The following MMP9 variants were observed in gnomAD, a reference collection of about 807,000 sequenced individuals.
MMP9 encodes matrix metallopeptidase 9, also known as matrix metalloproteinase-9.
MMP9 carries 73 observed loss-of-function variants against 76.4 expected under a neutral mutation model. That is an observed-to-expected ratio of 0.96 (90% CI 0.79 to 1.16). MMP9 has a LOEUF of 1.16. Ranked by LOEUF, MMP9 falls within the 50% of genes most tolerant of loss-of-function variation. The pLI, the probability that MMP9 is intolerant of heterozygous loss-of-function variation, is 0.00. For missense variants in MMP9, 943 were observed against 973.0 expected (o/e 0.97, Z 0.41); for synonymous variants, 412 against 408.4 (o/e 1.01, Z -0.11).
rs202160047 is a variant in MMP9, at chr20:46,009,757, GA to G, written c.139-104del. The G allele has an allele frequency of 4.4e-3, 4,320 of 990,766 alleles. 31 individuals are homozygous for G. Among genetic ancestry groups the G allele is most frequent in the Middle Eastern group, 0.018 (89 of 4,842 alleles). The allele number at this position is 990,766 out of a possible 1,614,324, so 61.4% of individuals were successfully genotyped here. A position where few individuals can be genotyped will look rare whatever the true frequency, so the allele number is the denominator to read the frequency against. The stretch of plus-strand genomic sequence containing the variant: ...GGGCTGATACCGTCTCTCCGAAAAA[GA>G]AAAAGAAAAAAGACTCCCTCCATGA... On this transcript the variant is annotated intron_variant, in intron 1 of 12. Transcript: ENST00000372330.
At position 46,016,269 on chromosome 20, in the gene MMP9, G is replaced by C; in HGVS notation, c.2025G>C (p.Gln675His). ...FQYREKAYFC[Q>H]DRFYWRVSSR... is the part of the protein sequence containing the mutation. ...CTGCAGAGAAAGCCTATTTCTGCCA[G>C]GACCGCTTCTACTGGCGCGTGAGTT... is the stretch of plus-strand genomic sequence containing the variant. Residue 675 changes from glutamine to histidine, a missense_variant, in exon 13 of 13, where the codon CAG becomes CAC. Physicochemically the swap from Gln to His is conservative, Grantham distance 24 (BLOSUM62 0). Coordinates refer to ENST00000372330, the MANE Select transcript of MMP9 (RefSeq NM_004994.3). 6.2e-7 allele frequency: 1 copy of C among 1,614,238 alleles called. No homozygotes were observed. The highest frequency in any genetic ancestry group is 8.5e-7 in the Non-Finnish European group (1 of 1,180,038).
At chr20:46,010,341 A>AAAAAAAAAAAAAAAAG in intron 2 of MMP9, 142 bp from the exon 3 acceptor site, 1 of 916,636 alleles carries the variant, frequency 1.1e-6, no homozygotes. Context: ...AAAAAAAAAA[A>AAAAAAAAAAAAAAAAG]CAGTCTGGAA....
Position 46,013,276 on chromosome 20 carries a change from C to T in MMP9, c.1352C>T (p.Pro451Leu). The T allele has an allele frequency of 6.2e-7, 1 of 1,614,076 alleles. No homozygotes were observed. The highest frequency in any genetic ancestry group is 8.5e-7 in the Non-Finnish European group (1 of 1,180,004). ...TTAGGTCCTCGCCCTGAACCTGAGC[C>T]ACGGCCTCCAACCACCACCACACCG... ...HLYGPRPEPE[P>L]RPPTTTTPQP... Residue 451 changes from proline to leucine, a missense_variant, in exon 9 of 13, where the codon CCA becomes CTA. Pro to Leu is a moderately conservative substitution (Grantham distance 98). Transcript: ENST00000372330. This position sits in a 1 kb window ranked among gnomAD's most constrained non-coding sequence, Gnocchi z 4.5.
intron 1 of MMP9, 143 bp downstream of exon 1, chr20:46,009,207 GT>G: frequency 1.0e-6 from 1 of 964,326 alleles, no homozygotes; most frequent in Non-Finnish European, 1.6e-6. Flanking sequence ...GGTGTCCAGG[GT>G]TAGGCAGTGG....
At chr20:46,010,418 G>A in intron 2 of MMP9, 65 bp from the exon 3 acceptor site, 1 of 1,582,074 alleles carries the variant, frequency 6.3e-7, no homozygotes, top group Non-Finnish European at 8.7e-7. Context: ...GCGATATGGG[G>A]TGTCCCTGCT....
Position 46,013,705 on chromosome 20 carries a change from C to G in MMP9, c.1659C>G (p.Pro553=). Residue 553 remains proline (P), a synonymous_variant, in exon 10 of 13, where the codon CCC becomes CCG. Coordinates refer to ENST00000372330, the MANE Select transcript of MMP9 (RefSeq NM_004994.3). This position sits in a 1 kb window ranked among gnomAD's most constrained non-coding sequence, Gnocchi z 4.5. ...GCAGGGGGAGCCGGCCGCAGGGCCC[C>G]TTCCTTATCGCCGACAAGTGGCCCG... ...SEGRGSRPQG[P]FLIADKWPAL... The G allele has an allele frequency of 6.2e-7, 1 of 1,613,862 alleles. No homozygotes were observed. Among genetic ancestry groups the G allele is most frequent in the Non-Finnish European group, 8.5e-7 (1 of 1,179,956 alleles).
intron 10 of MMP9, 108 bp from the exon 11 acceptor site, chr20:46,014,016 T>C: frequency 6.7e-7 from 1 of 1,499,796 alleles, no homozygotes; most frequent in Non-Finnish European, 8.9e-7. Flanking sequence ...TTGCAGGGAC[T>C]GCGGGCACGC....
chr20:46,010,332 A>ACAAAC lies in MMP9; in HGVS notation c.372-151_372-150insCAAAC, dbSNP rs1555856977. 250 of 773,052 alleles carry ACAAAC rather than the reference A, an allele frequency of 3.2e-4. 11 individuals are homozygous for ACAAAC. The highest frequency in any genetic ancestry group is 1.9e-3 in the South Asian group (105 of 56,172). The allele number at this position is 773,052 out of a possible 1,614,324, so 47.9% of individuals were successfully genotyped here. A position where few individuals can be genotyped will look rare whatever the true frequency, so the allele number is the denominator to read the frequency against. ...AGGGTCTAAGTAGACAAAAAAAAAA[A>ACAAAC]AAAAAAAAACAGTCTGGAAGCAATT... On this transcript the variant is annotated intron_variant, in intron 2 of 12. Coordinates refer to ENST00000372330, the MANE Select transcript of MMP9 (RefSeq NM_004994.3).
chr20:46,010,568 C>T lies in MMP9; in HGVS notation c.457C>T (p.Pro153Ser), dbSNP rs764539138. 1.2e-6 allele frequency: 2 copies of T among 1,614,070 alleles called. No individual in the cohort carries two copies. Among genetic ancestry groups the T allele is most frequent in the African/African-American group, 2.7e-5 (2 of 74,936 alleles). ...CTTCGCACTGTGGAGCGCGGTGACG[C>T]CGCTCACCTTCACTCGCGTGTACAG... Reference protein sequence around the residue: ...RAFALWSAVTPLTFTRVYSRD... With the variant: ...RAFALWSAVTSLTFTRVYSRD... Residue 153 changes from proline to serine, a missense_variant, in exon 3 of 13, where the codon CCG (proline) becomes TCG (serine). Pro to Ser is a moderately conservative substitution (Grantham distance 74, BLOSUM62 -1). Transcript: ENST00000372330.
Position 46,011,002 on chromosome 20 carries a change from G to C in MMP9, c.601G>C (p.Asp201His). The stretch of plus-strand genomic sequence containing the variant: ...TCCTCCTGGCCCCGGCATTCAGGGA[G>C]ACGCCCATTTCGACGATGACGAGTT... ...AFPPGPGIQGDAHFDDDELWS... is the reference protein window; with the variant it reads ...AFPPGPGIQGHAHFDDDELWS... The change falls in exon 4 of 13, where the codon GAC (aspartate) becomes CAC (histidine). Residue 201 changes from aspartate to histidine, a missense_variant. Physicochemically the swap from Asp to His is moderately conservative, Grantham distance 81. Transcript: ENST00000372330. 3 of 1,614,040 alleles carry C rather than the reference G, an allele frequency of 1.9e-6. No individual in the cohort carries two copies. The highest frequency in any genetic ancestry group is 2.5e-6 in the Non-Finnish European group (3 of 1,180,014).
In MMP9 at chr20:46,010,091, AC is replaced by A; in HGVS notation, c.366del (p.Tyr123IlefsTer14). The A allele has an allele frequency of 1.5e-6, 2 of 1,306,706 alleles. No individual in the cohort carries two copies. Among genetic ancestry groups the A allele is most frequent in the Non-Finnish European group, 1.0e-6 (1 of 957,332 alleles). The allele number at this position is 1,306,706 out of a possible 1,614,324, so 80.9% of individuals were successfully genotyped here. On this transcript the variant is annotated frameshift_variant, in exon 2 of 13. Coordinates refer to ENST00000372330, the MANE Select transcript of MMP9 (RefSeq NM_004994.3). LOFTEE classifies it high-confidence loss of function. The part of the protein sequence containing the change: ...GDLKWHHHNI[T>X]YWIQNYSEDL... ...CCTCAAGTGGCACCACCACAACATC[AC>A]CTATTGGTGAGCCGGGGCCGTGGGG...
intron 12 of MMP9, chr20:46,014,838 AC>A (rs1402139556): frequency 1.1e-5 from 3 of 281,848 alleles, no homozygotes; most frequent in Non-Finnish European, 2.0e-5. Flanking sequence ...TGGGCAAGTC[AC>A]TGCTTCTCTA....
At chr20:46,010,414 TG>T (rs893040447) in intron 2 of MMP9, 68 bp from the exon 3 acceptor site, 11 of 1,567,960 alleles carry the variant, frequency 7.0e-6, no homozygotes, top group Middle Eastern at 1.7e-4. Context: ...CTCTGCGATA[TG>T]GGGTGTCCCT....
chr20:46,016,312 C>G lies in MMP9; in HGVS notation c.2068C>G (p.Gln690Glu). ...WRVSSRSELN[Q>E]VDQVGYVTYD... is the part of the protein sequence containing the mutation. ...CGTGAGTTCCCGGAGTGAGTTGAAC[C>G]AGGTGGACCAAGTGGGCTACGTGAC... is the stretch of plus-strand genomic sequence containing the variant. Residue 690 changes from glutamine (Q) to glutamate (E), a missense_variant, in exon 13 of 13, where the codon CAG becomes GAG. Physicochemically the swap from Gln to Glu is conservative, Grantham distance 29 (BLOSUM62 2). Coordinates refer to ENST00000372330, the MANE Select transcript of MMP9 (RefSeq NM_004994.3). 1 of 1,614,180 alleles carries G rather than the reference C, an allele frequency of 6.2e-7. No homozygotes were observed. Among genetic ancestry groups the G allele is most frequent in the Admixed American group, 1.7e-5 (1 of 60,030 alleles).
intron 8 of MMP9, 33 bp downstream of exon 8, chr20:46,012,615 G>A: frequency 6.6e-7 from 1 of 1,512,858 alleles, no homozygotes; most frequent in Non-Finnish European, 9.0e-7. Context: ...AGGAGGAGGG[G>A]AAAGGGCGTG....
Position 46,013,175 on chromosome 20 carries a change from A to C in MMP9, c.1331-80A>C. 1.3e-6 allele frequency: 2 copies of C among 1,560,632 alleles called. No individual in the cohort carries two copies. The highest frequency in any genetic ancestry group is 1.8e-6 in the Non-Finnish European group (2 of 1,132,592). On this transcript the variant is annotated intron_variant, in intron 8 of 12. Transcript: ENST00000372330. This position sits in a 1 kb window ranked among gnomAD's most constrained non-coding sequence, Gnocchi z 4.5. The stretch of plus-strand genomic sequence containing the variant: ...CTGTGTGCCAGAGGAGGCTTCACTG[A>C]GAAGCTTAGGGGAGCAGATGTTCTA...
Position 46,013,589 on chromosome 20 carries a change from G to A in MMP9, c.1610+55G>A, listed in dbSNP as rs1568848766. On this transcript the variant is annotated intron_variant, in intron 9 of 12. Coordinates refer to ENST00000372330, the MANE Select transcript of MMP9 (RefSeq NM_004994.3). This position sits in a 1 kb window ranked among gnomAD's most constrained non-coding sequence, Gnocchi z 4.5. ...AGGGGGCTTTGCGGAGGGGCTGCCC[G>A]TCCCTTCCCGCCCACTGGCCCTGTG... The A allele has an allele frequency of 1.2e-6, 2 of 1,611,280 alleles. No homozygotes were observed. Among genetic ancestry groups the A allele is most frequent in the Non-Finnish European group, 1.7e-6 (2 of 1,178,222 alleles).
chr20:46,012,575 C>G lies in MMP9; in HGVS notation c.1323C>G (p.His441Gln), dbSNP rs1334987603. 3 of 1,613,574 alleles carry G rather than the reference C, an allele frequency of 1.9e-6. No homozygotes were observed. The Admixed American group carries it at 5.0e-5, about 27-fold the overall frequency. Residue 441 changes from histidine (H) to glutamine (Q), a missense_variant, in exon 8 of 13, where the codon CAC (histidine) becomes CAG (glutamine). Coordinates refer to ENST00000372330, the MANE Select transcript of MMP9 (RefSeq NM_004994.3). ...LHKDDVNGIR[H>Q]LYGPRPEPEP... ...AGGACGACGTGAATGGCATCCGGCA[C>G]CTCTATGGTGAGGCAGGGGCAGGGA...
In MMP9 at chr20:46,011,926, C is replaced by A. The variant is rs3918255; in HGVS notation, c.997+179C>A. Among the ~76,000 whole-genome samples, 1,811 of 152,344 alleles carry A rather than the reference C, an allele frequency of 0.012. 37 individuals carry two copies. Among genetic ancestry groups the A allele is most frequent in the African/African-American group, 0.042 (1,731 of 41,568 alleles). ...TATCCCTGACTTCCAATGGCCCCGC[C>A]CCAGCCACTAAGGTTCGGCCTTTTC... On this transcript the variant is annotated intron_variant, in intron 6 of 12. Transcript: ENST00000372330.
Sources: gnomAD v4.1 joint callset for allele counts (sites outside exome capture counted in the v4.1 genomes callset) on GRCh38, gnomAD v4.1.1 for gene constraint, Gnocchi (gnomAD v3.1) non-coding constraint, MANE v1.5 for transcripts, NCBI Gene and HGNC (gene_info 2026-07-23, HGNC 2026-07-21) for gene names.